The following CIB2 variants were observed in gnomAD, a reference collection of about 807,000 sequenced individuals.
The protein encoded by CIB2 is calcium and integrin-binding family member 2.
In CIB2, 19 loss-of-function variants were observed where a neutral mutation model predicts 23.1. That is an observed-to-expected ratio of 0.82 (90% CI 0.57 to 1.21). The LOEUF is 1.21. Among genes scored for constraint, CIB2 ranks in the 50% most tolerant of loss-of-function variants. The pLI, the probability that CIB2 is intolerant of heterozygous loss-of-function variation, is 0.00. For missense variants in CIB2, 220 were observed against 241.5 expected, an observed-to-expected ratio of 0.91 and a Z score of 0.59; for synonymous variants, 94 against 91.7, an observed-to-expected ratio of 1.03 and a Z score of -0.14.
intron 5 of CIB2, 137 bp downstream of exon 5, chr15:78,105,602 G>C (rs1360207660): frequency 6.5e-7 from 1 of 1,537,310 alleles, no homozygotes; most frequent in East Asian, 2.4e-5. Flanking sequence ...TCTAGGGCAA[G>C]GGTGGCTTGA....
chr15:78,130,726 C>T (rs2074442101), intron 1 of CIB2, among the ~76,000 whole-genome samples: 1 of 152,176 alleles, frequency 6.6e-6, no homozygotes, highest in Non-Finnish European at 1.5e-5. Context: ...GCACCCCACT[C>T]CTAGACCAGA....
chr15:78,115,676 C>CTTTTTT (rs56754406), intron 2 of CIB2, among the ~76,000 whole-genome samples: 44 of 71,298 alleles, frequency 6.2e-4, no homozygotes, highest in East Asian at 1.3e-3. Context: ...ATCTCCTTCT[C>CTTTTTT]TTTTTTTTTT....
At chr15:78,114,304 C>T (rs1227295787) in intron 2 of CIB2, among the ~76,000 whole-genome samples, 1 of 152,154 alleles carries the variant, frequency 6.6e-6, no homozygotes, top group Non-Finnish European at 1.5e-5. Flanking sequence ...ACTAAAATCA[C>T]ATTGGAATTT....
At chr15:78,127,169 A>G (rs2074392619) in intron 1 of CIB2, among the ~76,000 whole-genome samples, 1 of 152,136 alleles carries the variant, frequency 6.6e-6, no homozygotes, top group Admixed American at 6.6e-5. Flanking sequence ...TCCCAAAGGC[A>G]TCTCCCCAGA....
chr15:78,127,982 C>A (rs1175743455), intron 1 of CIB2, among the ~76,000 whole-genome samples: 1 of 152,226 alleles, frequency 6.6e-6, no homozygotes, highest in African/African-American at 2.4e-5. Flanking sequence ...GTCTAGAGTT[C>A]TTTGCTCTCC....
At chr15:78,113,002 T>C (rs1036946123) in intron 2 of CIB2, among the ~76,000 whole-genome samples, 13 of 152,184 alleles carry the variant, frequency 8.5e-5, no homozygotes, top group Non-Finnish European at 1.5e-4. Flanking sequence ...CTTATTTTAA[T>C]CCCCAAATCA....
chr15:78,120,593 G>A (rs749241409), intron 2 of CIB2: 245 of 985,328 alleles, frequency 2.5e-4, no homozygotes, highest in Middle Eastern at 1.0e-3. Context: ...TGACTGAATA[G>A]GGTGGGCTGC....
In CIB2 at chr15:78,109,438, G is replaced by A. The variant is rs575737246; in HGVS notation, c.199-56C>T. 7.5e-5 allele frequency: 120 copies of A among 1,606,400 alleles called. 2 individuals are homozygous for A. The South Asian group carries it at 8.9e-4, about 12-fold the overall frequency. On this transcript the variant is annotated intron_variant, in intron 3 of 5. Transcript: ENST00000258930. Reference sequence around the variant, plus strand: ...GGTGCAGGATAAGCAGGAGGGCCCCGGAGCCAGACTGTGGACAGCCTGTGT... The same window carrying A: ...GGTGCAGGATAAGCAGGAGGGCCCCAGAGCCAGACTGTGGACAGCCTGTGT...
chr15:78,125,584 T>C (rs2074371269), intron 1 of CIB2, among the ~76,000 whole-genome samples: 1 of 152,224 alleles, frequency 6.6e-6, no homozygotes, highest in South Asian at 2.1e-4. Flanking sequence ...CCTCACGCTG[T>C]GGCTCCTGGA....
chr15:78,126,156 T>C (rs1289767763), intron 1 of CIB2, among the ~76,000 whole-genome samples: 1 of 142,612 alleles, frequency 7.0e-6, no homozygotes, highest in Admixed American at 7.0e-5. Context: ...CCCCCTTTTT[T>C]TTTTGAGACG....
At chr15:78,127,287 T>C (rs528680526) in intron 1 of CIB2, among the ~76,000 whole-genome samples, 1 of 152,276 alleles carries the variant, frequency 6.6e-6, no homozygotes, top group East Asian at 1.9e-4. Flanking sequence ...AAGGAACCCT[T>C]TCTTACACTT....
At chr15:78,106,040 TG>T in intron 4 of CIB2, 106 bp from the exon 5 acceptor site, 1 of 872,258 alleles carries the variant, frequency 1.1e-6, no homozygotes, top group Non-Finnish European at 1.8e-6. Flanking sequence ...CACCAGCTTC[TG>T]ATGTCCCCAG....
At chr15:78,118,222 G>A (rs1458173367) in intron 2 of CIB2, among the ~76,000 whole-genome samples, 1 of 152,172 alleles carries the variant, frequency 6.6e-6, no homozygotes, top group Non-Finnish European at 1.5e-5. Flanking sequence ...AGGAAGGCTG[G>A]TCACTAAAAT....
intron 2 of CIB2, among the ~76,000 whole-genome samples, chr15:78,121,949 G>A (rs2074326390): frequency 1.3e-5 from 2 of 152,206 alleles, no homozygotes; most frequent in Non-Finnish European, 2.9e-5. Flanking sequence ...GGGAGTGGGA[G>A]CAGGAGAAGC....
At chr15:78,123,581 G>C in intron 2 of CIB2, 124 bp downstream of exon 2, 1 of 981,154 alleles carries the variant, frequency 1.0e-6, no homozygotes, top group Non-Finnish European at 1.6e-6. Flanking sequence ...ACCTGAATGT[G>C]GCTCCTGATA....
intron 1 of CIB2, among the ~76,000 whole-genome samples, chr15:78,126,148 C>A (rs865850630): frequency 4.7e-5 from 7 of 149,130 alleles, no homozygotes; most frequent in Admixed American, 2.0e-4. Context: ...CTGCCCCCCC[C>A]CCTTTTTTTT....
chr15:78,109,555 T>A, intron 3 of CIB2, 173 bp from the exon 4 acceptor site: 2 of 704,138 alleles, frequency 2.8e-6, no homozygotes, highest in Non-Finnish European at 4.9e-6. Context: ...TGGGTTGTGA[T>A]GGGATTAAAT....
At chr15:78,106,907 C>T (rs915776911) in intron 4 of CIB2, among the ~76,000 whole-genome samples, 4 of 152,090 alleles carry the variant, frequency 2.6e-5, no homozygotes, top group African/African-American at 7.2e-5. Context: ...GAGGCAGGCA[C>T]AATTGAATCT....
chr15:78,130,246 A>AG (rs11438204), intron 1 of CIB2, among the ~76,000 whole-genome samples: 19,494 of 151,892 alleles, frequency 0.13, 2,751 homozygotes, highest in African/African-American at 0.35. Context: ...GATCCTCTGG[A>AG]GGGGGGAAAG....
Sources: allele counts gnomAD v4.1 joint callset (sites outside exome capture counted in the v4.1 genomes callset), GRCh38; gene constraint gnomAD v4.1.1; transcripts MANE v1.5; gene names NCBI Gene and HGNC (gene_info 2026-07-23, HGNC 2026-07-21).